The following KDM4C variants were observed in gnomAD, a reference collection of about 807,000 sequenced individuals.
The protein encoded by KDM4C is lysine-specific demethylase 4C.
KDM4C carries 81 observed loss-of-function variants against 129.3 expected under a neutral mutation model. The ratio of observed to expected loss-of-function variants is 0.63; its 90% CI spans 0.52 to 0.75. KDM4C has a LOEUF of 0.75. Ranked by LOEUF, KDM4C falls within the 30% of genes least tolerant of loss-of-function variation. The pLI, the probability that KDM4C is intolerant of heterozygous loss-of-function variation, is 0.00. For synonymous variants in KDM4C, 573 were observed against 456.1 expected (o/e 1.26, Z -3.26); for missense variants, 1,457 against 1,304.0 (o/e 1.12, Z -1.81).
chr9:7,070,076 G>T (rs1832988974), intron 17 of KDM4C, among the ~76,000 whole-genome samples: 1 of 152,168 alleles, frequency 6.6e-6, no homozygotes, highest in Non-Finnish European at 1.5e-5. Context: ...ACAACAAACA[G>T]ACTGACAAAA....
chr9:6,885,420 A>G (rs990706508), intron 6 of KDM4C, among the ~76,000 whole-genome samples: 1 of 152,302 alleles, frequency 6.6e-6, no homozygotes, highest in Non-Finnish European at 1.5e-5. Context: ...CTGTGTTGCA[A>G]AACTCTCAGC....
intron 6 of KDM4C, among the ~76,000 whole-genome samples, chr9:6,882,774 G>T (rs1195321015): frequency 3.0e-5 from 1 of 33,312 alleles, no homozygotes; most frequent in African/African-American, 1.7e-4. Flanking sequence ...TTAAGCATTT[G>T]TGTGTGTGTG....
At chr9:7,059,782 G>A (rs1831361758) in intron 17 of KDM4C, among the ~76,000 whole-genome samples, 1 of 151,780 alleles carries the variant, frequency 6.6e-6, no homozygotes. Flanking sequence ...TCTTCAAGCT[G>A]TTTTCTTTTT....
chr9:7,125,046 C>T (rs1839891529), intron 18 of KDM4C, among the ~76,000 whole-genome samples: 1 of 152,132 alleles, frequency 6.6e-6, no homozygotes, highest in South Asian at 2.1e-4. Flanking sequence ...ACATCTAAAC[C>T]CCTCAGTGGC....
At chr9:6,952,420 T>C (rs1828321159) in intron 8 of KDM4C, among the ~76,000 whole-genome samples, 1 of 148,808 alleles carries the variant, frequency 6.7e-6, no homozygotes, top group South Asian at 2.1e-4. Context: ...TGTATATATA[T>C]ATATATATAT....
intron 17 of KDM4C, among the ~76,000 whole-genome samples, chr9:7,057,921 G>C (rs1265248705): frequency 6.6e-6 from 1 of 152,212 alleles, no homozygotes; most frequent in Non-Finnish European, 1.5e-5. Flanking sequence ...ATCGCATGTT[G>C]AAAAGCGATC....
intron 8 of KDM4C, among the ~76,000 whole-genome samples, chr9:6,919,541 GTCTGTCTA>G (rs1222399146): frequency 0.13 from 7,866 of 59,882 alleles, 211 homozygotes; most frequent in Admixed American, 0.21. Context: ...CTGTCTGTCT[GTCTGTCTA>G]TCTATCTATC....
intron 4 of KDM4C, among the ~76,000 whole-genome samples, chr9:6,829,552 G>C (rs1056802538): frequency 6.6e-6 from 1 of 152,230 alleles, no homozygotes; most frequent in African/African-American, 2.4e-5. Flanking sequence ...CACATTGATA[G>C]ATAAGGAAGC....
In KDM4C at chr9:6,949,715, G is replaced by A. The variant is rs1023677305; in HGVS notation, c.922-31210G>A. Among the ~76,000 whole-genome samples the A allele has an allele frequency of 2.6e-5, 4 of 152,306 alleles. No individual in the cohort carries two copies. The East Asian group carries it at 7.7e-4, about 29-fold the overall frequency. On this transcript the variant is annotated intron_variant, in intron 8 of 21. Transcript: ENST00000381309. ...AAACCAGTCAGGCGTGGCGGCGCGC[G>A]CCTGCAATCGCAGGCACTCAGCAGG...
chr9:7,134,205 G>A (rs1380793985), intron 19 of KDM4C, among the ~76,000 whole-genome samples: 1 of 152,148 alleles, frequency 6.6e-6, no homozygotes, highest in Non-Finnish European at 1.5e-5. Context: ...GGGTTCTCTC[G>A]CTTTTCTATC....
At chr9:6,961,924 A>C (rs1257399045) in intron 8 of KDM4C, among the ~76,000 whole-genome samples, 2 of 152,206 alleles carry the variant, frequency 1.3e-5, no homozygotes, top group African/African-American at 4.8e-5. Flanking sequence ...GAATGAGTGC[A>C]TGTATAAATC....
intron 17 of KDM4C, among the ~76,000 whole-genome samples, chr9:7,095,094 T>TA (rs1005117324): frequency 1.3e-5 from 2 of 152,202 alleles, no homozygotes; most frequent in African/African-American, 4.8e-5. Context: ...TCTAAACTGT[T>TA]AAAAAATGCC....
At chr9:6,892,897 A>G (rs973922808) in intron 7 of KDM4C, among the ~76,000 whole-genome samples, 198 bp from the exon 8 acceptor site, 5 of 152,212 alleles carry the variant, frequency 3.3e-5, no homozygotes, top group African/African-American at 1.2e-4. Flanking sequence ...GCCACATCCT[A>G]TTTAGGAAAG....
chr9:6,748,192 AAAC>A (rs1422845364), intron 1 of KDM4C, among the ~76,000 whole-genome samples: 3 of 149,464 alleles, frequency 2.0e-5, no homozygotes, highest in Admixed American at 1.3e-4. Flanking sequence ...AACAAACAAA[AAAC>A]AACAACAATT....
chr9:6,825,146 C>CAA (rs776343731), intron 4 of KDM4C, among the ~76,000 whole-genome samples: 80 of 79,544 alleles, frequency 1.0e-3, no homozygotes, highest in Middle Eastern at 0.012. Flanking sequence ...AACTCGGTCT[C>CAA]AAAAAAAAAA....
chr9:6,900,622 A>G (rs896063837), intron 8 of KDM4C, among the ~76,000 whole-genome samples: 1 of 152,228 alleles, frequency 6.6e-6, no homozygotes, highest in African/African-American at 2.4e-5. Flanking sequence ...GCAACAATGC[A>G]AGACCTGTCT....
At chr9:7,044,861 G>A (rs944967482) in intron 15 of KDM4C, among the ~76,000 whole-genome samples, 5 of 151,904 alleles carry the variant, frequency 3.3e-5, no homozygotes, top group African/African-American at 1.2e-4. Flanking sequence ...TGAAAGAGAA[G>A]CCTGTTAAAG....
intron 13 of KDM4C, among the ~76,000 whole-genome samples, chr9:7,013,185 G>C (rs943694916): frequency 2.0e-5 from 3 of 152,082 alleles, no homozygotes; most frequent in African/African-American, 7.2e-5. Context: ...AAAACATAAA[G>C]TAATATAAAA....
Position 6,986,637 on chromosome 9 carries a change from G to A in KDM4C, c.1648G>A (p.Gly550Arg). 1 of 1,610,406 alleles carries A rather than the reference G, an allele frequency of 6.2e-7. No homozygotes were observed. The highest frequency in any genetic ancestry group is 8.5e-7 in the Non-Finnish European group (1 of 1,177,058). The change falls in exon 11 of 22, where the codon GGA (glycine) becomes AGA (arginine). Residue 550 changes from glycine (G) to arginine (R), a missense_variant. Coordinates refer to ENST00000381309, the MANE Select transcript of KDM4C (RefSeq NM_015061.6). ...TGGGGAAATCCCAGCGGTCCCCAGT[G>A]GAGAGAGAAATAGCTTCAAAGTCCC... ...EPGEIPAVPS[G>R]ERNSFKVPSI...
Sources: allele counts gnomAD v4.1 joint callset (sites outside exome capture counted in the v4.1 genomes callset), GRCh38; gene constraint gnomAD v4.1.1; transcripts MANE v1.5; gene names NCBI Gene and HGNC (gene_info 2026-07-23, HGNC 2026-07-21).